Variants in SLIT3 observed in about 807,000 individuals in gnomAD.
The protein encoded by SLIT3 is slit guidance ligand 3.
In SLIT3, 68 loss-of-function variants were observed where a neutral mutation model predicts 184.0. The ratio of observed to expected loss-of-function variants is 0.37; its 90% CI spans 0.30 to 0.45. SLIT3 has a LOEUF of 0.45. Among genes scored for constraint, SLIT3 ranks in the 20% least tolerant of loss-of-function variants. The pLI, the probability that SLIT3 is intolerant of heterozygous loss-of-function variation, is 1.00. For missense variants in SLIT3, 1,707 were observed against 2,026.0 expected, an observed-to-expected ratio of 0.84 and a Z score of 3.02; for synonymous variants, 831 against 828.6, an observed-to-expected ratio of 1.00 and a Z score of -0.05.
chr5:168,687,776 G>T (rs759220818), intron 29 of SLIT3, among the ~76,000 whole-genome samples: 6 of 152,234 alleles, frequency 3.9e-5, no homozygotes, highest in Non-Finnish European at 8.8e-5. Flanking sequence ...TGTAGAAGAT[G>T]AATGAAGAGG....
intron 4 of SLIT3, among the ~76,000 whole-genome samples, chr5:168,961,432 A>G (rs1763003520): frequency 6.6e-6 from 1 of 152,252 alleles, no homozygotes; most frequent in East Asian, 1.9e-4. Context: ...ACTGATGAGC[A>G]GGGTGAGAGT....
chr5:168,775,195 G>A (rs1045338199), intron 12 of SLIT3, among the ~76,000 whole-genome samples: 1 of 151,956 alleles, frequency 6.6e-6, no homozygotes. Flanking sequence ...GCACCACCAC[G>A]CCCAGCTAAT....
At chr5:168,760,688 G>A (rs1755114740) in intron 16 of SLIT3, among the ~76,000 whole-genome samples, 174 bp downstream of exon 16, 1 of 152,080 alleles carries the variant, frequency 6.6e-6, no homozygotes, top group African/African-American at 2.4e-5. Context: ...CATCACTTTG[G>A]TCTGTGTCTA....
chr5:168,870,763 C>G (rs147169097), intron 5 of SLIT3, among the ~76,000 whole-genome samples: 1 of 152,160 alleles, frequency 6.6e-6, no homozygotes, highest in African/African-American at 2.4e-5. Context: ...TCATGTTGCA[C>G]ACTAATGTCA....
intron 3 of SLIT3, among the ~76,000 whole-genome samples, chr5:169,230,564 T>C (rs1194862049): frequency 6.6e-6 from 1 of 152,224 alleles, no homozygotes; most frequent in Non-Finnish European, 1.5e-5. Flanking sequence ...GTTTTTCTGT[T>C]CTTTGGAAAA....
At chr5:168,922,447 ACT>A (rs1304931525) in intron 4 of SLIT3, among the ~76,000 whole-genome samples, 3 of 120,540 alleles carry the variant, frequency 2.5e-5, no homozygotes, top group South Asian at 2.6e-4. Context: ...ACAGAGCGAG[ACT>A]CTGTCTCAAA....
intron 3 of SLIT3, among the ~76,000 whole-genome samples, chr5:169,239,826 G>A (rs1389609675): frequency 6.6e-6 from 1 of 151,806 alleles, no homozygotes; most frequent in African/African-American, 2.4e-5. Context: ...ACTTTGTAAG[G>A]AGGATATTTT....
At chr5:168,876,328 T>G (rs533518586) in intron 5 of SLIT3, among the ~76,000 whole-genome samples, 129 of 152,282 alleles carry the variant, frequency 8.5e-4, no homozygotes, top group African/African-American at 3.1e-3. Context: ...CTGCTGAAGC[T>G]GTTTTTCTTA....
chr5:168,698,213 A>G (rs1762115522), intron 27 of SLIT3, among the ~76,000 whole-genome samples: 1 of 152,202 alleles, frequency 6.6e-6, no homozygotes, highest in East Asian at 1.9e-4. Context: ...TTATGGGTTG[A>G]ATTGTGTTCC....
chr5:168,852,006 C>T lies in SLIT3; in HGVS notation c.486-7351G>A, dbSNP rs556715439. On this transcript the variant is annotated intron_variant, in intron 5 of 35. Transcript: ENST00000519560. ...AAACATTGGGCCTTGCATTCTCTGC[C>T]TTCCTCGTTGGGAATTAGAATTTCT... 4.6e-5 allele frequency among the ~76,000 whole-genome samples: 7 copies of T among 152,332 alleles called. No homozygotes were observed. The East Asian group carries it at 9.6e-4, about 21-fold the overall frequency.
chr5:169,183,426 C>T (rs6874722), intron 4 of SLIT3, among the ~76,000 whole-genome samples: 1 of 151,982 alleles, frequency 6.6e-6, no homozygotes, highest in South Asian at 2.1e-4. Flanking sequence ...GAAGCCCTTA[C>T]ACATACAACC....
intron 4 of SLIT3, among the ~76,000 whole-genome samples, chr5:169,136,317 G>T (rs1453523688): frequency 6.6e-6 from 1 of 152,134 alleles, no homozygotes; most frequent in African/African-American, 2.4e-5. Flanking sequence ...CCTTTTTGAA[G>T]TGCCTGCTAC....
At chr5:169,242,517 C>A (rs937179017) in intron 3 of SLIT3, among the ~76,000 whole-genome samples, 3 of 152,178 alleles carry the variant, frequency 2.0e-5, no homozygotes, top group Admixed American at 2.0e-4. Context: ...ATTTTTCATG[C>A]TGTTTTCTCT....
chr5:169,293,755 G>A (rs1561791228), intron 1 of SLIT3, among the ~76,000 whole-genome samples: 1 of 152,102 alleles, frequency 6.6e-6, no homozygotes, highest in African/African-American at 2.4e-5. Flanking sequence ...AATCATGCAC[G>A]CTTTGGCCAA....
At chr5:169,147,974 T>C (rs78595223) in intron 4 of SLIT3, among the ~76,000 whole-genome samples, 4,488 of 152,280 alleles carry the variant, frequency 0.029, 227 homozygotes, top group African/African-American at 0.1. Flanking sequence ...GCCCCCTTTT[T>C]TTCTTAGAGA....
At chr5:168,803,394 A>G (rs903373363) in intron 9 of SLIT3, among the ~76,000 whole-genome samples, 2 of 152,226 alleles carry the variant, frequency 1.3e-5, no homozygotes, top group Non-Finnish European at 2.9e-5. Context: ...GTCGTAATAG[A>G]CAGGCTTTTG....
intron 8 of SLIT3, 80 bp downstream of exon 8, chr5:168,817,220 C>T (rs1268720566): frequency 2.2e-6 from 3 of 1,363,636 alleles, no homozygotes; most frequent in African/African-American, 2.9e-5. Context: ...GGTATGTGTT[C>T]AAGGTCAGGG....
chr5:168,676,340 G>C (rs563341035), intron 32 of SLIT3, among the ~76,000 whole-genome samples: 1 of 152,330 alleles, frequency 6.6e-6, no homozygotes, highest in South Asian at 2.1e-4. Flanking sequence ...TTCCTATAAA[G>C]TAAATGACAA....
chr5:168,862,655 G>GT (rs144949665), intron 5 of SLIT3, among the ~76,000 whole-genome samples: 7,930 of 149,480 alleles, frequency 0.053, 703 homozygotes, highest in African/African-American at 0.19. Flanking sequence ...TAGAACATTG[G>GT]TTTTTTTGTT....
Sources: gnomAD v4.1 joint callset for allele counts (sites outside exome capture counted in the v4.1 genomes callset) on GRCh38, gnomAD v4.1.1 for gene constraint, MANE v1.5 for transcripts, NCBI Gene and HGNC (gene_info 2026-07-23, HGNC 2026-07-21) for gene names.